ZFP92: variants seen among roughly 807,000 people sequenced by gnomAD.
The protein encoded by ZFP92 is ZFP92 zinc finger protein.
Under a neutral mutation model 7.6 loss-of-function variants are expected in ZFP92, and 2 were observed. The observed-to-expected ratio is 0.26, with a 90% CI of 0.11 to 0.83. ZFP92 has a LOEUF of 0.83. Among genes scored for constraint, ZFP92 ranks in the 40% least tolerant of loss-of-function variants. The pLI is 0.65. For missense variants in ZFP92, 324 were observed against 408.3 expected (o/e 0.79, Z 1.78); for synonymous variants, 226 against 183.6 (o/e 1.23, Z -1.87).
Position 153,418,348 on chromosome X carries a change from G to C in ZFP92, c.26G>C (p.Arg9Thr), listed in dbSNP as rs2088971371. MAAILLTT[R>T]PKVPVSFEDV... Reference sequence around the variant, plus strand: ...ATGGCAGCCATTCTCCTGACCACGAGACCCAAGGTGAGTGGTGGCCCCTCT... The same window carrying C: ...ATGGCAGCCATTCTCCTGACCACGACACCCAAGGTGAGTGGTGGCCCCTCT... Residue 9 changes from arginine to threonine, a missense_variant, in exon 3 of 6, where the codon AGA (arginine) becomes ACA (threonine). Arg to Thr is a moderately conservative substitution (Grantham distance 71). Coordinates refer to ENST00000338647, the MANE Select transcript of ZFP92 (RefSeq NM_001136273.2). 2.6e-6 allele frequency: 3 copies of C among 1,167,301 alleles called. No homozygotes were observed. Among genetic ancestry groups the C allele is most frequent in the South Asian group, 1.9e-5 (1 of 52,642 alleles).
Position 153,423,685 on chromosome X carries a change from G to A in ZFP92, c.*2057G>A, listed in dbSNP as rs1159479924. The A allele has an allele frequency of 3.5e-5, 4 of 113,435 alleles. No homozygotes were observed. The highest frequency in any genetic ancestry group is 1.3e-4 in the African/African-American group (4 of 31,273). The allele number at this position is 113,435 out of a possible 1,213,427, so 9.3% of individuals were successfully genotyped here. A position where few individuals can be genotyped will look rare whatever the true frequency, so the allele number is the denominator to read the frequency against. On this transcript the variant is annotated 3_prime_UTR_variant, in exon 6 of 6. Transcript: ENST00000338647. ...CAGACTCAGGCTTGGGACCATTGTC[G>A]GCTCCAGCCTTGCCTTGAGGCAATC...
chrX:153,420,449 G>A, intron 5 of ZFP92, 117 bp downstream of exon 5: 2 of 891,133 alleles, frequency 2.2e-6, no homozygotes, highest in Non-Finnish European at 3.1e-6. Flanking sequence ...GGAGGCAGAT[G>A]TCAATCTCCA....
intron 2 of ZFP92, among the ~76,000 whole-genome samples, chrX:153,417,801 G>C (rs2088965256): frequency 8.9e-6 from 1 of 111,796 alleles, no homozygotes. Flanking sequence ...GACCTCATTT[G>C]GAAAGGGAGA....
In ZFP92 at chrX:153,421,286, C is replaced by T. The variant is rs782689649; in HGVS notation, c.909C>T (p.Gly303=). ...GCCAGTGCGCCAAGGCCTTCAAGGG[C>T]GTCTCGCAGCTCATCCACCACCAGC... is the stretch of plus-strand genomic sequence containing the variant. ...ACGQCAKAFK[G]VSQLIHHQRS... is the part of the protein sequence containing the mutation. Residue 303 remains glycine, a synonymous_variant, in exon 6 of 6, where the codon GGC becomes GGT. Transcript: ENST00000338647. The T allele has an allele frequency of 9.4e-6, 11 of 1,170,950 alleles. No homozygotes were observed. Among genetic ancestry groups the T allele is most frequent in the South Asian group, 7.5e-5 (4 of 53,316 alleles).
intron 2 of ZFP92, among the ~76,000 whole-genome samples, chrX:153,417,948 CAG>C (rs1293437834): frequency 8.9e-6 from 1 of 111,939 alleles, no homozygotes; most frequent in Admixed American, 9.4e-5. Flanking sequence ...CACACGAAGA[CAG>C]AGGCCAAGAA....
At chrX:153,417,018 C>G (rs1279605912) in intron 2 of ZFP92, among the ~76,000 whole-genome samples, 1 of 111,831 alleles carries the variant, frequency 8.9e-6, no homozygotes, top group Non-Finnish European at 1.9e-5. Flanking sequence ...TCATGAGGGA[C>G]TCACCCCCAC....
chrX:153,420,367 G>A (rs1556974683), intron 5 of ZFP92, 35 bp downstream of exon 5: 1 of 1,116,589 alleles, frequency 9.0e-7, no homozygotes, highest in Admixed American at 2.8e-5. Flanking sequence ...TCCCCATCGG[G>A]GTAAAAAGAA....
intron 2 of ZFP92, among the ~76,000 whole-genome samples, chrX:153,413,537 T>C (rs1556973312): frequency 9.1e-6 from 1 of 109,954 alleles, no homozygotes. Flanking sequence ...CCTTTCTGGC[T>C]CCTCACCTGA....
chrX:153,416,089 G>C (rs192595441), intron 2 of ZFP92, among the ~76,000 whole-genome samples: 1 of 111,355 alleles, frequency 9.0e-6, no homozygotes, highest in African/African-American at 3.3e-5. Context: ...TACGGGACCC[G>C]TTGCTCTATG....
Position 153,420,937 on chromosome X carries a change from A to G in ZFP92, c.560A>G (p.Lys187Arg), listed in dbSNP as rs1569529648. Residue 187 changes from lysine (K) to arginine (R), a missense_variant, in exon 6 of 6, where the codon AAG (lysine) becomes AGG (arginine). Lys to Arg is a conservative substitution (Grantham distance 26). Transcript: ENST00000338647. The part of the protein sequence containing the change: ...EKPYACPECG[K>R]LFRRSFALLE... ...CCTTACGCGTGCCCCGAGTGCGGCA[A>G]GCTGTTTCGCCGCAGCTTCGCGCTC... 1 of 1,192,723 alleles carries G rather than the reference A, an allele frequency of 8.4e-7. No homozygotes were observed. Among genetic ancestry groups the G allele is most frequent in the African/African-American group, 1.7e-5 (1 of 57,449 alleles).
intron 3 of ZFP92, among the ~76,000 whole-genome samples, 158 bp from the exon 4 acceptor site, chrX:153,418,515 G>A (rs1298492927): frequency 1.8e-5 from 2 of 111,689 alleles, no homozygotes; most frequent in Middle Eastern, 4.2e-3. Flanking sequence ...TGTCGGCTGT[G>A]CTGCCTGTTT....
At position 153,420,208 on chromosome X, in the gene ZFP92, G is replaced by A. The variant is rs1478714079; in HGVS notation, c.161-20G>A. On this transcript the variant is annotated intron_variant, in intron 4 of 5. Transcript: ENST00000338647. ...CCCTCAGCCATAGTGGTCTTGACCT[G>A]CTTCATATTCCACGCCCAGGATTTT... 8.7e-7 allele frequency: 1 copy of A among 1,151,504 alleles called. No homozygotes were observed. Among genetic ancestry groups the A allele is most frequent in the Non-Finnish European group, 1.2e-6 (1 of 861,386 alleles). The allele number at this position is 1,151,504 out of a possible 1,213,427, so 94.9% of individuals were successfully genotyped here.
intron 2 of ZFP92, among the ~76,000 whole-genome samples, chrX:153,417,087 A>G (rs938152121): frequency 4.4e-5 from 5 of 112,401 alleles, no homozygotes; most frequent in Non-Finnish European, 9.4e-5. Context: ...TTGCAACGTG[A>G]CGTGTGGAGA....
At chrX:153,417,270 C>T (rs782206290) in intron 2 of ZFP92, among the ~76,000 whole-genome samples, 2 of 112,454 alleles carry the variant, frequency 1.8e-5, no homozygotes, top group African/African-American at 3.2e-5. Context: ...TCATCCTCTG[C>T]GCCTGTTCCC....
Position 153,420,772 on chromosome X carries a change from A to G in ZFP92, c.395A>G (p.Gln132Arg), listed in dbSNP as rs1556974770. Residue 132 changes from glutamine to arginine, a missense_variant, in exon 6 of 6, where the codon CAG becomes CGG. Coordinates refer to ENST00000338647, the MANE Select transcript of ZFP92 (RefSeq NM_001136273.2). Reference sequence around the variant, plus strand: ...TCGTCTGTGCTCCAGAGAGGTGCCCAGGGCTTGGGGCAGAGTTCGGCTGCG... The same window carrying G: ...TCGTCTGTGCTCCAGAGAGGTGCCCGGGGCTTGGGGCAGAGTTCGGCTGCG... ...ARSSVLQRGA[Q>R]GLGQSSAAGP... 8.6e-7 allele frequency: 1 copy of G among 1,166,897 alleles called. No homozygotes were observed. Among genetic ancestry groups the G allele is most frequent in the East Asian group, 3.3e-5 (1 of 30,701 alleles).
chrX:153,417,362 TTGCCACTTGCAGCCTCCAGCTCTC>T (rs1280271140), intron 2 of ZFP92, among the ~76,000 whole-genome samples: 4 of 112,117 alleles, frequency 3.6e-5, no homozygotes, highest in South Asian at 3.7e-4. Context: ...GCTACTCTCT[TTGCCACTTGCAGCCTCCAGCTCTC>T]TGCCTGAATG....
rs926798702 is a variant in ZFP92 at position 153,424,253 on chromosome X, C to T, written c.*2625C>T. 15 of 111,477 alleles carry T rather than the reference C, an allele frequency of 1.3e-4. No homozygotes were observed. The highest frequency in any genetic ancestry group is 4.6e-4 in the African/African-American group (14 of 30,593). 9.2% of individuals were successfully genotyped at this position (111,477 alleles called of 1,213,427 possible). A position where few individuals can be genotyped will look rare whatever the true frequency, so the allele number is the denominator to read the frequency against. ...GAGTGCCGGGAAAAGTTCCAGGGTC[C>T]CCAGTGCTTACTTAGATAAATGGCA... On this transcript the variant is annotated 3_prime_UTR_variant, in exon 6 of 6. Transcript: ENST00000338647.
rs2089033617 is a variant in ZFP92 at position 153,425,022 on chromosome X, C to G, written c.*3394C>G. On this transcript the variant is annotated 3_prime_UTR_variant, in exon 6 of 6. Coordinates refer to ENST00000338647, the MANE Select transcript of ZFP92 (RefSeq NM_001136273.2). ...TCTGGGTGAGCTGCCTCGGGTCAGC[C>G]CAGGGGTGCAGGCTCCTCTGACTGG... The G allele has an allele frequency of 1.8e-5, 2 of 112,274 alleles. No homozygotes were observed. The highest frequency in any genetic ancestry group is 9.4e-5 in the Admixed American group (1 of 10,643). 9.3% of individuals were successfully genotyped at this position (112,274 alleles called of 1,213,427 possible). A position where few individuals can be genotyped will look rare whatever the true frequency, so the allele number is the denominator to read the frequency against.
intron 2 of ZFP92, among the ~76,000 whole-genome samples, chrX:153,414,975 G>A (rs1338106599): frequency 1.8e-5 from 2 of 113,694 alleles, no homozygotes; most frequent in African/African-American, 6.4e-5. Flanking sequence ...CCACACAGAG[G>A]TTAGACCCGG....
Sources: allele counts gnomAD v4.1 joint callset (sites outside exome capture counted in the v4.1 genomes callset), GRCh38; gene constraint gnomAD v4.1.1; transcripts MANE v1.5; gene names NCBI Gene and HGNC (gene_info 2026-07-23, HGNC 2026-07-21).